The following MAF variants were observed in gnomAD, a reference collection of about 807,000 sequenced individuals.
MAF encodes MAF bZIP transcription factor, also known as transcription factor Maf.
Under a neutral mutation model 22.0 loss-of-function variants are expected in MAF, and 10 were observed. The ratio of observed to expected loss-of-function variants is 0.45; its 90% CI spans 0.28 to 0.77. The LOEUF (loss-of-function observed/expected upper bound fraction) is 0.77, where lower values mean the gene tolerates loss of function less well. Ranked by LOEUF, MAF falls within the 30% of genes least tolerant of loss-of-function variation. The pLI is 0.12. For synonymous variants in MAF, 337 were observed against 255.8 expected (o/e 1.32, Z -3.03); for missense variants, 544 against 548.4 (o/e 0.99, Z 0.08).
At chr16:79,225,950 C>G in the MAF span, among the ~76,000 whole-genome samples, 1 of 152,258 alleles carries the variant, frequency 6.6e-6, no homozygotes, top group East Asian at 1.9e-4. Context: ...ATTAGTTCAA[C>G]CATTGTGGAA....
the MAF span, among the ~76,000 whole-genome samples, chr16:79,269,383 T>C: frequency 6.6e-6 from 1 of 152,290 alleles, no homozygotes; most frequent in African/African-American, 2.4e-5. Flanking sequence ...GGTGTCACCA[T>C]GGCCGTGAAG....
chr16:79,206,444 G>T, the MAF span: 1 of 152,174 alleles, frequency 6.6e-6, no homozygotes, highest in East Asian at 1.9e-4. Context: ...TATCAGGTAG[G>T]CTTCTCTCTA....
At chr16:79,384,782 A>T in the MAF span, among the ~76,000 whole-genome samples, 332 of 152,268 alleles carry the variant, frequency 2.2e-3, 1 homozygote, top group East Asian at 0.012. Flanking sequence ...AAATAAAATT[A>T]AAAAAGGGGG....
the MAF span, among the ~76,000 whole-genome samples, chr16:79,514,392 T>C: frequency 1.3e-5 from 2 of 152,234 alleles, no homozygotes; most frequent in African/African-American, 4.8e-5. Context: ...TTTGTAAAGA[T>C]GAGCTTTCCT....
At chr16:79,388,234 G>A in the MAF span, among the ~76,000 whole-genome samples, 2 of 149,818 alleles carry the variant, frequency 1.3e-5, no homozygotes, top group African/African-American at 4.9e-5. Flanking sequence ...TGGGTTATGT[G>A]TGCCGATGTG....
the MAF span, among the ~76,000 whole-genome samples, chr16:79,370,131 A>G: frequency 1.3e-5 from 2 of 152,184 alleles, no homozygotes; most frequent in Non-Finnish European, 2.9e-5. Flanking sequence ...CTTCCCCAGG[A>G]GGCTAATTGG....
chr16:79,341,652 T>A, the MAF span, among the ~76,000 whole-genome samples: 1 of 152,204 alleles, frequency 6.6e-6, no homozygotes, highest in Non-Finnish European at 1.5e-5. Flanking sequence ...TGAAGACTTT[T>A]GAGTAGAGCA....
At chr16:79,471,450 G>A in the MAF span, among the ~76,000 whole-genome samples, 45 of 152,152 alleles carry the variant, frequency 3.0e-4, no homozygotes, top group Non-Finnish European at 5.1e-4. Flanking sequence ...TTGAGCCCAG[G>A]AGTTACAGCT....
chr16:79,215,535 T>TGGCCTCC, the MAF span, among the ~76,000 whole-genome samples: 1 of 152,168 alleles, frequency 6.6e-6, no homozygotes. Flanking sequence ...GAGGACATGC[T>TGGCCTCC]GGCCTCCTGC....
the MAF span, among the ~76,000 whole-genome samples, chr16:79,513,924 A>C: frequency 6.6e-6 from 1 of 152,192 alleles, no homozygotes; most frequent in Non-Finnish European, 1.5e-5. Flanking sequence ...TGCAATTCAA[A>C]AGCACGACAA....
chr16:79,280,886 T>C, the MAF span, among the ~76,000 whole-genome samples: 3 of 152,190 alleles, frequency 2.0e-5, no homozygotes, highest in African/African-American at 7.2e-5. Flanking sequence ...TGAGTATGAA[T>C]TGACTCTGAA....
the MAF span, among the ~76,000 whole-genome samples, chr16:79,250,639 T>C: frequency 6.6e-6 from 1 of 152,220 alleles, no homozygotes; most frequent in African/African-American, 2.4e-5. Context: ...TCAATGGTGA[T>C]GAGCACCAGG....
At chr16:79,392,863 C>G in the MAF span, among the ~76,000 whole-genome samples, 2 of 152,320 alleles carry the variant, frequency 1.3e-5, no homozygotes, top group South Asian at 2.1e-4. Context: ...CTGTGGGAAT[C>G]CACTGCTGTA....
chr16:79,431,368 C>T, the MAF span, among the ~76,000 whole-genome samples: 7 of 152,312 alleles, frequency 4.6e-5, no homozygotes, highest in East Asian at 1.4e-3. Flanking sequence ...ATACACTAAC[C>T]AAATAACATT....
chr16:79,564,439 G>T, the MAF span, among the ~76,000 whole-genome samples: 4 of 152,214 alleles, frequency 2.6e-5, no homozygotes, highest in African/African-American at 9.6e-5. Flanking sequence ...AGGCAAGGGG[G>T]AAGTAGCTAT....
chr16:79,470,453 C>T, the MAF span, among the ~76,000 whole-genome samples: 274 of 152,304 alleles, frequency 1.8e-3, no homozygotes, highest in Non-Finnish European at 2.9e-3. Context: ...GCTAGAGAAA[C>T]AGCTAGGGAA....
the MAF span, among the ~76,000 whole-genome samples, chr16:79,489,905 C>T: frequency 1.3e-5 from 2 of 152,176 alleles, no homozygotes; most frequent in South Asian, 4.2e-4. Flanking sequence ...CGGCAATGTC[C>T]AGAAGCTGAG....
chr16:79,527,639 AG>A, the MAF span, among the ~76,000 whole-genome samples: 192 of 151,614 alleles, frequency 1.3e-3, no homozygotes, highest in Middle Eastern at 6.8e-3. Context: ...ACAATCATTA[AG>A]GGGGGGGTCC....
the MAF span, among the ~76,000 whole-genome samples, chr16:79,448,767 C>T: frequency 0.014 from 2,089 of 150,802 alleles, 47 homozygotes; most frequent in African/African-American, 0.048. Flanking sequence ...AAAAAAAAAA[C>T]ACACACAATG....
Sources: allele counts gnomAD v4.1 joint callset (sites outside exome capture counted in the v4.1 genomes callset), GRCh38; gene constraint gnomAD v4.1.1; transcripts MANE v1.5; gene names NCBI Gene and HGNC (gene_info 2026-07-23, HGNC 2026-07-21).